Variants in HACE1 observed in about 807,000 individuals in gnomAD.
HACE1 encodes E3 ubiquitin-protein ligase HACE1.
Under a neutral mutation model 118.4 loss-of-function variants are expected in HACE1, and 73 were observed. The ratio of observed to expected loss-of-function variants is 0.62; its 90% CI spans 0.51 to 0.75. HACE1 has a LOEUF of 0.75. Among genes scored for constraint, HACE1 ranks in the 30% least tolerant of loss-of-function variants. HACE1 has a pLI of 0.00. For missense variants in HACE1, 749 were observed against 1,102.2 expected (o/e 0.68, Z 4.54); for synonymous variants, 368 against 374.8 (o/e 0.98, Z 0.21).
intron 6 of HACE1, among the ~76,000 whole-genome samples, chr6:104,831,986 G>A (rs1351083936): frequency 5.3e-5 from 2 of 37,406 alleles, no homozygotes; most frequent in Non-Finnish European, 1.4e-4. Context: ...AAGAGAGGAA[G>A]GAAGGAAGGA....
chr6:104,763,082 A>G (rs961092542), intron 19 of HACE1, among the ~76,000 whole-genome samples: 3 of 151,870 alleles, frequency 2.0e-5, no homozygotes, highest in African/African-American at 7.3e-5. Context: ...TCAGGTTACC[A>G]TTTTATAGGT....
intron 19 of HACE1, among the ~76,000 whole-genome samples, chr6:104,758,969 T>C (rs1178150764): frequency 1.3e-5 from 2 of 151,660 alleles, no homozygotes; most frequent in Admixed American, 6.6e-5. Context: ...CATTACATAA[T>C]GGTAAAAGGA....
chr6:104,816,410 A>C lies in HACE1; in HGVS notation c.535-5017T>G, dbSNP rs116616660. 6.6e-3 allele frequency among the ~76,000 whole-genome samples: 1,012 copies of C among 152,314 alleles called. 10 individuals carry two copies. The highest frequency in any genetic ancestry group is 0.023 in the African/African-American group (967 of 41,572). ...TCCAGCTCCAGCTCCAGCCATGGCT[A>C]AAAGGGGCAAAGGTACAGCTCAGGC... On this transcript the variant is annotated intron_variant, in intron 6 of 23. Transcript: ENST00000262903.
At position 104,739,107 on chromosome 6, in the gene HACE1, C is replaced by G. The variant is rs550171573; in HGVS notation, c.2513+5053G>C. ...AAGGAGAAATAAAATACTTTACAGA[C>G]AAGCAAATGCTGAGAGATTTTGTCA... On this transcript the variant is annotated intron_variant, in intron 22 of 23. Transcript: ENST00000262903. 1.1e-3 allele frequency among the ~76,000 whole-genome samples: 163 copies of G among 152,014 alleles called. 1 individual carries two copies. Among genetic ancestry groups the G allele is most frequent in the African/African-American group, 3.8e-3 (156 of 41,408 alleles).
At chr6:104,730,587 G>A in intron 22 of HACE1, 171 bp from the exon 23 acceptor site, 1 of 607,280 alleles carries the variant, frequency 1.6e-6, no homozygotes, top group East Asian at 2.9e-5. Flanking sequence ...TTTGTGATTA[G>A]TTAGCAAGCT....
chr6:104,853,113 G>A (rs1281251441), intron 1 of HACE1, among the ~76,000 whole-genome samples: 1 of 152,168 alleles, frequency 6.6e-6, no homozygotes, highest in Non-Finnish European at 1.5e-5. Context: ...TTCATGAATG[G>A]ATTAATTCTG....
rs936415548 is a variant in HACE1, at chr6:104,777,203, T to C, written c.1678+3A>G. ...CATATATCAGTTTCTTTGTTAAGCATACCTCTGTGAACCAGCAGGATATCA... is the reference window on the plus strand; with the variant it reads ...CATATATCAGTTTCTTTGTTAAGCACACCTCTGTGAACCAGCAGGATATCA... On this transcript the variant is annotated splice_donor_region_variant and intron_variant, in intron 15 of 23. Coordinates refer to ENST00000262903, the MANE Select transcript of HACE1 (RefSeq NM_020771.4). The C allele has an allele frequency of 2.5e-6, 4 of 1,601,634 alleles. No individual in the cohort carries two copies. Among genetic ancestry groups the C allele is most frequent in the Non-Finnish European group, 3.4e-6 (4 of 1,168,624 alleles).
chr6:104,814,790 C>G (rs188334092), intron 6 of HACE1, among the ~76,000 whole-genome samples: 1 of 137,264 alleles, frequency 7.3e-6, no homozygotes, highest in African/African-American at 2.9e-5. Flanking sequence ...GCACATCCCC[C>G]CTCACGCTCT....
At chr6:104,821,004 A>ACGT (rs1252135304) in intron 6 of HACE1, among the ~76,000 whole-genome samples, 27 of 152,368 alleles carry the variant, frequency 1.8e-4, no homozygotes, top group African/African-American at 6.0e-4. Flanking sequence ...AATACTATGC[A>ACGT]GCCATAAAAA....
At chr6:104,835,481 C>T (rs1467412379) in intron 5 of HACE1, among the ~76,000 whole-genome samples, 3 of 151,840 alleles carry the variant, frequency 2.0e-5, no homozygotes, top group East Asian at 1.9e-4. Context: ...ATGATAGAGA[C>T]GTGCAAACTC....
intron 4 of HACE1, chr6:104,845,654 T>C (rs143124303): frequency 0.018 from 2,810 of 152,198 alleles, 38 homozygotes; most frequent in Non-Finnish European, 0.029. Context: ...ATTTTCTGTA[T>C]TTTTAGTAGA....
chr6:104,859,793 CACGTCCT>C lies in HACE1; in HGVS notation c.-158_-152del. 1 of 666,684 alleles carries C rather than the reference CACGTCCT, an allele frequency of 1.5e-6. No individual in the cohort carries two copies. The highest frequency in any genetic ancestry group is 2.4e-6 in the Non-Finnish European group (1 of 417,922). 41.3% of individuals were successfully genotyped at this position (666,684 alleles called of 1,614,324 possible). On this transcript the variant is annotated 5_prime_UTR_variant, in exon 1 of 24. Coordinates refer to ENST00000262903, the MANE Select transcript of HACE1 (RefSeq NM_020771.4). The stretch of plus-strand genomic sequence containing the variant: ...CTGAGCTGCGAGGGCTGCCTGGGGC[CACGTCCT>C]GCGTCCGGGGGCCGGGCTGCTGCCG...
chr6:104,757,345 G>A (rs1014197472), intron 19 of HACE1, among the ~76,000 whole-genome samples: 8 of 152,184 alleles, frequency 5.3e-5, no homozygotes, highest in Non-Finnish European at 1.0e-4. Context: ...TCCAGAAGAA[G>A]GTACAGGCAG....
At chr6:104,845,493 T>G (rs1045954871) in intron 4 of HACE1, among the ~76,000 whole-genome samples, 5 of 151,346 alleles carry the variant, frequency 3.3e-5, no homozygotes, top group Admixed American at 1.3e-4. Context: ...TTTTTTTTTT[T>G]TGAGACAAGA....
chr6:104,768,276 A>C (rs1029593575), intron 19 of HACE1, among the ~76,000 whole-genome samples: 2 of 152,164 alleles, frequency 1.3e-5, no homozygotes, highest in Non-Finnish European at 2.9e-5. Flanking sequence ...CAAAATTATA[A>C]AGTCGAACTC....
chr6:104,774,443 G>A (rs1198129550), intron 17 of HACE1, among the ~76,000 whole-genome samples: 2 of 148,802 alleles, frequency 1.3e-5, no homozygotes, highest in Non-Finnish European at 3.0e-5. Context: ...GGAGTGCAGT[G>A]GCACAACCTC....
At position 104,831,979 on chromosome 6, in the gene HACE1, A is replaced by AGAAGAGAAGAGAAGAGAAGAGAAGAG. The variant is rs370929585; in HGVS notation, c.534+1062_534+1063insCTCTTCTCTTCTCTTCTCTTCTCTTC. Among the ~76,000 whole-genome samples, 56 of 38,608 alleles carry AGAAGAGAAGAGAAGAGAAGAGAAGAG rather than the reference A, an allele frequency of 1.5e-3. 2 individuals carry two copies. The highest frequency in any genetic ancestry group is 2.0e-3 in the Non-Finnish European group (41 of 20,162). The allele number at this position is 38,608 out of a possible 152,430, so 25.3% of individuals were successfully genotyped here. A position where few individuals can be genotyped will look rare whatever the true frequency, so the allele number is the denominator to read the frequency against. On this transcript the variant is annotated intron_variant, in intron 6 of 23. Transcript: ENST00000262903. ...AGAAGAGAAGAGAAGAGAAGAGAAG[A>AGAAGAGAAGAGAAGAGAAGAGAAGAG]GAGGAAGGAAGGAAGGAAGGAAGGA...
rs1365232034 is a variant in HACE1, at chr6:104,777,324, C to A, written c.1567-7G>T. On this transcript the variant is annotated splice_region_variant and splice_polypyrimidine_tract_variant and intron_variant, in intron 14 of 23. Coordinates refer to ENST00000262903, the MANE Select transcript of HACE1 (RefSeq NM_020771.4). ...CACAGCGATCTTTAAAAGGCTAGCT[C>A]AAAAAATAAGAGTAAAATATGTTAG... 1.3e-6 allele frequency: 2 copies of A among 1,560,892 alleles called. No individual in the cohort carries two copies. The highest frequency in any genetic ancestry group is 2.2e-5 in the East Asian group (1 of 44,588).
At chr6:104,784,960 AAAT>A (rs1562363540) in intron 12 of HACE1, 22 bp downstream of exon 12, 8 of 1,511,286 alleles carry the variant, frequency 5.3e-6, no homozygotes, top group Admixed American at 1.7e-5. Context: ...GAGAAAAAAA[AAAT>A]AATAAGCCAA....
Sources: gnomAD v4.1 joint callset for allele counts (sites outside exome capture counted in the v4.1 genomes callset) on GRCh38, gnomAD v4.1.1 for gene constraint, MANE v1.5 for transcripts, NCBI Gene and HGNC (gene_info 2026-07-23, HGNC 2026-07-21) for gene names.